Variants in ZNF93 observed in about 807,000 individuals in gnomAD.
ZNF93 encodes zinc finger protein 93.
In ZNF93, 29 loss-of-function variants were observed where a neutral mutation model predicts 45.0. The observed-to-expected ratio is 0.64, with a 90% CI of 0.48 to 0.88. The LOEUF (loss-of-function observed/expected upper bound fraction) is 0.88, where lower values mean the gene tolerates loss of function less well. Among genes scored for constraint, ZNF93 ranks in the 40% least tolerant of loss-of-function variants. ZNF93 has a pLI of 0.00. For synonymous variants in ZNF93, 223 were observed against 244.6 expected, an observed-to-expected ratio of 0.91 and a Z score of 0.82; for missense variants, 578 against 724.0, an observed-to-expected ratio of 0.80 and a Z score of 2.31.
intron 3 of ZNF93, among the ~76,000 whole-genome samples, chr19:19,924,370 C>T (rs897620150): frequency 4.6e-5 from 7 of 152,128 alleles, no homozygotes; most frequent in South Asian, 2.1e-4. Context: ...GGATTACAGC[C>T]GTGAGCCACC....
At chr19:19,904,181 G>T (rs750952315) in intron 1 of ZNF93, among the ~76,000 whole-genome samples, 7 of 149,234 alleles carry the variant, frequency 4.7e-5, no homozygotes, top group Non-Finnish European at 7.4e-5. Flanking sequence ...TGTGTGATAG[G>T]TAAGAAAAGA....
At chr19:19,902,099 A>T (rs1359068078) in intron 1 of ZNF93, among the ~76,000 whole-genome samples, 1 of 152,124 alleles carries the variant, frequency 6.6e-6, no homozygotes, top group Admixed American at 6.5e-5. Context: ...AAAAAAAAAT[A>T]GACATCTTAA....
At chr19:19,916,741 C>T (rs112322143) in intron 3 of ZNF93, 86 bp downstream of exon 3, 53 of 975,490 alleles carry the variant, frequency 5.4e-5, no homozygotes, top group African/African-American at 2.7e-4. Context: ...AAATGTGATT[C>T]GGGAAGCTGT....
chr19:19,930,375 C>T (rs1450516161), intron 3 of ZNF93, among the ~76,000 whole-genome samples: 3 of 152,146 alleles, frequency 2.0e-5, no homozygotes, highest in Non-Finnish European at 4.4e-5. Context: ...CACAGGGAGA[C>T]GGTTAGGCCT....
At chr19:19,920,997 T>G (rs1324887908) in intron 3 of ZNF93, among the ~76,000 whole-genome samples, 1 of 152,178 alleles carries the variant, frequency 6.6e-6, no homozygotes, top group Non-Finnish European at 1.5e-5. Flanking sequence ...TTGAATGTGT[T>G]TGCTCTTGCT....
At chr19:19,931,833 A>T (rs1042418978) in intron 3 of ZNF93, among the ~76,000 whole-genome samples, 1 of 152,128 alleles carries the variant, frequency 6.6e-6, no homozygotes, top group African/African-American at 2.4e-5. Context: ...TTTCTTTTGC[A>T]TACTTTGTAT....
chr19:19,917,956 T>G lies in ZNF93; in HGVS notation c.226+1301T>G, dbSNP rs992846332. On this transcript the variant is annotated intron_variant, in intron 3 of 3. Coordinates refer to ENST00000343769, the MANE Select transcript of ZNF93 (RefSeq NM_031218.4). The stretch of plus-strand genomic sequence containing the variant: ...TCCTTCCTTCTTTCTTTTTTTTTCT[T>G]TTTTTTAATTATACTTTAAGTCCTA... 8.4e-4 allele frequency among the ~76,000 whole-genome samples: 128 copies of G among 152,278 alleles called. 3 individuals are homozygous for G. The highest frequency in any genetic ancestry group is 7.8e-3 in the Admixed American group (119 of 15,286).
At chr19:19,920,366 A>G (rs1271227789) in intron 3 of ZNF93, among the ~76,000 whole-genome samples, 1 of 151,984 alleles carries the variant, frequency 6.6e-6, no homozygotes, top group African/African-American at 2.4e-5. Flanking sequence ...CTTATTGAGG[A>G]TTTTTGCATC....
intron 1 of ZNF93, 72 bp from the exon 2 acceptor site, chr19:19,915,208 C>A (rs2063320119): frequency 6.2e-7 from 1 of 1,609,210 alleles, no homozygotes; most frequent in Non-Finnish European, 8.5e-7. Context: ...TTTACTCTCT[C>A]ATTTCACCTT....
chr19:19,928,891 T>A (rs1480817519), intron 3 of ZNF93, among the ~76,000 whole-genome samples: 1 of 152,202 alleles, frequency 6.6e-6, no homozygotes, highest in African/African-American at 2.4e-5. Context: ...TTGTGTATTA[T>A]CTTGGTTTTG....
intron 3 of ZNF93, among the ~76,000 whole-genome samples, chr19:19,919,511 G>T (rs962081927): frequency 1.3e-5 from 2 of 152,122 alleles, no homozygotes; most frequent in African/African-American, 4.8e-5. Flanking sequence ...TAGCTTGATG[G>T]GGATGGCATT....
At chr19:19,920,311 A>G (rs1599570354) in intron 3 of ZNF93, among the ~76,000 whole-genome samples, 1 of 152,312 alleles carries the variant, frequency 6.6e-6, no homozygotes, top group African/African-American at 2.4e-5. Flanking sequence ...CCACTTGATC[A>G]TGGTGGATAA....
intron 1 of ZNF93, among the ~76,000 whole-genome samples, chr19:19,901,354 C>T (rs566259976): frequency 2.6e-5 from 4 of 152,302 alleles, no homozygotes; most frequent in African/African-American, 9.6e-5. Flanking sequence ...CCCGCAGAGC[C>T]GCTTCTCTCC....
At chr19:19,902,401 G>A (rs1267621328) in intron 1 of ZNF93, among the ~76,000 whole-genome samples, 1 of 152,010 alleles carries the variant, frequency 6.6e-6, no homozygotes, top group Non-Finnish European at 1.5e-5. Flanking sequence ...TGGGATTACA[G>A]GCATGCACCA....
At chr19:19,906,964 T>C (rs2063294737) in intron 1 of ZNF93, among the ~76,000 whole-genome samples, 1 of 149,088 alleles carries the variant, frequency 6.7e-6, no homozygotes, top group South Asian at 2.2e-4. Context: ...GTGTGCAAAA[T>C]TGAGGTGTCC....
intron 3 of ZNF93, among the ~76,000 whole-genome samples, chr19:19,921,239 T>C (rs2063341776): frequency 6.6e-6 from 1 of 152,186 alleles, no homozygotes. Flanking sequence ...AGTTTCCATG[T>C]AGTTGAGCGG....
intron 1 of ZNF93, among the ~76,000 whole-genome samples, chr19:19,907,567 G>C (rs138797937): frequency 0.015 from 2,140 of 143,224 alleles, 25 homozygotes; most frequent in Non-Finnish European, 0.02. Context: ...TTTTTTTTGA[G>C]ACAGAGTCTC....
intron 3 of ZNF93, among the ~76,000 whole-genome samples, chr19:19,930,908 A>T (rs1430593307): frequency 1.3e-5 from 2 of 152,090 alleles, no homozygotes; most frequent in Non-Finnish European, 2.9e-5. Flanking sequence ...TGCTGCCCAC[A>T]ATATAATATC....
At chr19:19,913,167 A>G (rs1184748971) in intron 1 of ZNF93, among the ~76,000 whole-genome samples, 1 of 152,232 alleles carries the variant, frequency 6.6e-6, no homozygotes, top group Non-Finnish European at 1.5e-5. Context: ...ACACTCATTC[A>G]TAAACCCTCT....
Sources: allele counts gnomAD v4.1 joint callset (sites outside exome capture counted in the v4.1 genomes callset), GRCh38; gene constraint gnomAD v4.1.1; transcripts MANE v1.5; gene names NCBI Gene and HGNC (gene_info 2026-07-23, HGNC 2026-07-21).